PDK1: variants seen among roughly 807,000 people sequenced by gnomAD.
PDK1 encodes [Pyruvate dehydrogenase (acetyl-transferring)] kinase isozyme 1, mitochondrial.
Under a neutral mutation model 54.2 loss-of-function variants are expected in PDK1, and 39 were observed. The ratio of observed to expected loss-of-function variants is 0.72; its 90% CI spans 0.56 to 0.94. The LOEUF (loss-of-function observed/expected upper bound fraction) is 0.94. Ranked by LOEUF, PDK1 falls within the 40% of genes least tolerant of loss-of-function variation. PDK1 has a pLI of 0.00. For missense variants in PDK1, 552 were observed against 566.0 expected, an observed-to-expected ratio of 0.98 and a Z score of 0.25; for synonymous variants, 221 against 207.1, an observed-to-expected ratio of 1.07 and a Z score of -0.58.
upstream of PDK1, chr2:172,556,021 A>C: frequency 1.4e-5 from 8 of 591,676 alleles, no homozygotes; most frequent in Non-Finnish European, 1.8e-5. Flanking sequence ...GGCTCCGGCT[A>C]GGAGGGTGGG....
chr2:172,579,230 A>G (rs1213432122), intron 8 of PDK1, among the ~76,000 whole-genome samples: 1 of 151,926 alleles, frequency 6.6e-6, no homozygotes, highest in Non-Finnish European at 1.5e-5. Flanking sequence ...TTTTTGACAG[A>G]TGTTTCCAGG....
Position 172,568,790 on chromosome 2 carries a change from C to A in PDK1, c.819C>A (p.Leu273=). The change falls in exon 7 of 11, where the codon CTC becomes CTA. Residue 273 remains leucine, a synonymous_variant. Transcript: ENST00000282077. ...AAGTGGTTTATGTACCATCCCATCT[C>A]TATCACATGGTGTTTGAACTTTTCA... ...PIQVVYVPSH[L]YHMVFELFKN... is the part of the protein sequence containing the mutation. 6.2e-7 allele frequency: 1 copy of A among 1,606,616 alleles called. No homozygotes were observed. Among genetic ancestry groups the A allele is most frequent in the Non-Finnish European group, 8.5e-7 (1 of 1,173,130 alleles).
At chr2:172,555,888 G>A, upstream of PDK1, 1 of 332,760 alleles carries the variant, frequency 3.0e-6, no homozygotes, top group Non-Finnish European at 5.4e-6. Context: ...CGCGCGCTCC[G>A]CATCTCCTTC....
chr2:172,629,219 C>T, the PDK1 span, among the ~76,000 whole-genome samples: 10 of 152,098 alleles, frequency 6.6e-5, no homozygotes, highest in African/African-American at 9.7e-5. Flanking sequence ...GGGTGGTCCC[C>T]AGCGAGGGCC....
chr2:172,622,724 TTA>T, the PDK1 span, among the ~76,000 whole-genome samples: 2 of 146,492 alleles, frequency 1.4e-5, no homozygotes, highest in African/African-American at 4.9e-5. Flanking sequence ...TGAGATATGT[TTA>T]TATCTCATAT....
chr2:172,588,327 T>G (rs904181592), intron 9 of PDK1, among the ~76,000 whole-genome samples: 10 of 152,214 alleles, frequency 6.6e-5, no homozygotes, highest in Non-Finnish European at 1.3e-4. Context: ...AGACTCTGGA[T>G]CTAAACTCTT....
intron 9 of PDK1, among the ~76,000 whole-genome samples, chr2:172,591,672 C>T (rs1324013242): frequency 6.6e-6 from 1 of 152,106 alleles, no homozygotes; most frequent in African/African-American, 2.4e-5. Flanking sequence ...CTTTGAGGGG[C>T]ACTGATAGGG....
chr2:172,702,508 A>T, the PDK1 span, among the ~76,000 whole-genome samples: 1 of 149,924 alleles, frequency 6.7e-6, no homozygotes, highest in African/African-American at 2.4e-5. Context: ...GGGATTTGCC[A>T]GGGCCTCTTT....
At chr2:172,566,684 T>C (rs76739215) in intron 5 of PDK1, among the ~76,000 whole-genome samples, 172 bp from the exon 6 acceptor site, 14 of 144,914 alleles carry the variant, frequency 9.7e-5, no homozygotes, top group East Asian at 8.0e-4. Flanking sequence ...AGGGAGACCA[T>C]GTCTCTACCA....
chr2:172,698,693 G>A, the PDK1 span, among the ~76,000 whole-genome samples: 2 of 152,194 alleles, frequency 1.3e-5, no homozygotes, highest in South Asian at 4.1e-4. Flanking sequence ...CCCAGGTGAC[G>A]CTGAAGCTGG....
the PDK1 span, among the ~76,000 whole-genome samples, chr2:172,616,685 T>C: frequency 6.6e-6 from 1 of 152,198 alleles, no homozygotes; most frequent in Non-Finnish European, 1.5e-5. Context: ...TTTACTTATA[T>C]GTGATGGGTT....
the PDK1 span, among the ~76,000 whole-genome samples, chr2:172,720,109 TCTCTC>T: frequency 3.1e-4 from 32 of 103,300 alleles, no homozygotes; most frequent in East Asian, 0.018. Flanking sequence ...TCTCTCTCTC[TCTCTC>T]TCTTTTTTTT....
chr2:172,670,218 A>G, the PDK1 span, among the ~76,000 whole-genome samples: 1 of 152,220 alleles, frequency 6.6e-6, no homozygotes, highest in African/African-American at 2.4e-5. Context: ...GTGCCCAGCT[A>G]AAAATTGCTT....
intron 9 of PDK1, among the ~76,000 whole-genome samples, chr2:172,591,342 A>G (rs1286680634): frequency 6.6e-6 from 1 of 152,242 alleles, no homozygotes; most frequent in African/African-American, 2.4e-5. Context: ...GCCGGGCGGC[A>G]TCTCATACTA....
At chr2:172,561,485 C>T (rs1688652220) in intron 2 of PDK1, among the ~76,000 whole-genome samples, 1 of 152,194 alleles carries the variant, frequency 6.6e-6, no homozygotes, top group South Asian at 2.1e-4. Context: ...TGCTTACAGC[C>T]AAGTGGAGCA....
In PDK1 at chr2:172,566,898, T is replaced by G. The variant is rs146257365; in HGVS notation, c.734T>G (p.Ile245Ser). ...AGGCGTCTGTGTGATTTGTATTATA[T>G]TAACTCTCCCGAACTAGAACTTGAA... ...NARRLCDLYYINSPELELEEL... is the reference protein window; with the variant it reads ...NARRLCDLYYSNSPELELEEL... Residue 245 changes from isoleucine (I) to serine (S), a missense_variant, in exon 6 of 11, where the codon ATT (isoleucine) becomes AGT (serine). Transcript: ENST00000282077. 5.9e-5 allele frequency: 95 copies of G among 1,611,536 alleles called. No individual in the cohort carries two copies. In the African/African-American group the frequency reaches 9.6e-4, roughly 16 times the overall value.
the PDK1 span, among the ~76,000 whole-genome samples, chr2:172,671,835 A>G: frequency 2.2e-4 from 33 of 152,326 alleles, 1 homozygote; most frequent in Admixed American, 1.7e-3. Context: ...GCAAGTTACA[A>G]TGAAAGTGAA....
At chr2:172,707,163 TG>T in the PDK1 span, among the ~76,000 whole-genome samples, 1 of 152,188 alleles carries the variant, frequency 6.6e-6, no homozygotes, top group African/African-American at 2.4e-5. Flanking sequence ...AGTCCAAGTC[TG>T]GGTTCCCTAT....
rs1332673167 is a variant in PDK1 at position 172,556,355 on chromosome 2, G to T, written c.196+9G>T. On this transcript the variant is annotated intron_variant, in intron 1 of 10. Coordinates refer to ENST00000282077, the MANE Select transcript of PDK1 (RefSeq NM_002610.5). ...GCAGTTCCTGGACTTCGGTGAGTGC[G>T]GCCCGGGACCTTGGGCCTTTTTGCG... 1 of 1,423,532 alleles carries T rather than the reference G, an allele frequency of 7.0e-7. No homozygotes were observed. The allele number at this position is 1,423,532 out of a possible 1,614,324, so 88.2% of individuals were successfully genotyped here.
Sources: gnomAD v4.1 joint callset for allele counts (sites outside exome capture counted in the v4.1 genomes callset) on GRCh38, gnomAD v4.1.1 for gene constraint, MANE v1.5 for transcripts, NCBI Gene and HGNC (gene_info 2026-07-23, HGNC 2026-07-21) for gene names.